CXCL13: variants seen among roughly 807,000 people sequenced by gnomAD.
The protein encoded by CXCL13 is C-X-C motif chemokine ligand 13, also known as C-X-C motif chemokine 13.
CXCL13 carries 7 observed loss-of-function variants against 12.2 expected under a neutral mutation model. The ratio of observed to expected loss-of-function variants is 0.57; its 90% CI spans 0.33 to 1.07. CXCL13 has a LOEUF of 1.07. CXCL13 is among the 50% of genes least tolerant of loss of function. CXCL13 has a pLI of 0.04. For missense variants in CXCL13, 113 were observed against 127.4 expected, an observed-to-expected ratio of 0.89 and a Z score of 0.55; for synonymous variants, 47 against 42.4, an observed-to-expected ratio of 1.11 and a Z score of -0.42.
At chr4:77,602,454 C>A (rs1726900784), upstream of CXCL13, among the ~76,000 whole-genome samples, 1 of 152,286 alleles carries the variant, frequency 6.6e-6, no homozygotes, top group East Asian at 1.9e-4. Context: ...TTATGTTAGA[C>A]CAGGCCCATG....
intron 1 of CXCL13, among the ~76,000 whole-genome samples, chr4:77,533,195 A>T (rs1417913411): frequency 6.6e-6 from 1 of 152,098 alleles, no homozygotes; most frequent in Non-Finnish European, 1.5e-5. Context: ...ATGATGGTGA[A>T]GTACAGATGG....
intron 1 of CXCL13, among the ~76,000 whole-genome samples, chr4:77,591,015 G>A (rs1244891140): frequency 1.3e-5 from 2 of 152,124 alleles, no homozygotes; most frequent in Non-Finnish European, 2.9e-5. Flanking sequence ...AAGTAGCTGG[G>A]ATTACAGGCA....
At chr4:77,520,390 T>A (rs1410478219) in intron 1 of CXCL13, among the ~76,000 whole-genome samples, 1 of 152,186 alleles carries the variant, frequency 6.6e-6, no homozygotes, top group East Asian at 1.9e-4. Flanking sequence ...TTTTATTTCC[T>A]TGAGCAGTGG....
chr4:77,529,558 C>G (rs184388919), intron 1 of CXCL13, among the ~76,000 whole-genome samples: 3 of 152,038 alleles, frequency 2.0e-5, no homozygotes, highest in Admixed American at 6.6e-5. Context: ...ATGGGAGTTC[C>G]CTCATGATTT....
At chr4:77,570,927 G>T (rs28825139) in intron 1 of CXCL13, among the ~76,000 whole-genome samples, 3 of 152,120 alleles carry the variant, frequency 2.0e-5, no homozygotes, top group Admixed American at 2.0e-4. Flanking sequence ...ACTGCAGCCC[G>T]CCATGCCTGG....
chr4:77,517,255 G>T (rs1055972381), intron 1 of CXCL13, among the ~76,000 whole-genome samples: 1 of 152,126 alleles, frequency 6.6e-6, no homozygotes, highest in Non-Finnish European at 1.5e-5. Flanking sequence ...AATAGGTGTG[G>T]TGTGGTGCTG....
chr4:77,518,434 A>C (rs1428044366), intron 1 of CXCL13, among the ~76,000 whole-genome samples: 2 of 152,198 alleles, frequency 1.3e-5, no homozygotes, highest in Non-Finnish European at 2.9e-5. Flanking sequence ...AGGTACACCA[A>C]TGAGATGTAG....
intron 1 of CXCL13, among the ~76,000 whole-genome samples, chr4:77,521,552 C>A (rs991256083): frequency 6.6e-6 from 1 of 151,982 alleles, no homozygotes; most frequent in East Asian, 1.9e-4. Flanking sequence ...TCTGTGGGAT[C>A]GGTGGTGATA....
intron 1 of CXCL13, among the ~76,000 whole-genome samples, chr4:77,525,366 AT>A (rs895259419): frequency 1.3e-5 from 2 of 152,056 alleles, no homozygotes; most frequent in African/African-American, 2.4e-5. Context: ...GATTTTTCTC[AT>A]TTGGGGGGTT....
intron 1 of CXCL13, among the ~76,000 whole-genome samples, chr4:77,537,028 T>C (rs1725074558): frequency 6.6e-6 from 1 of 152,190 alleles, no homozygotes; most frequent in African/African-American, 2.4e-5. Flanking sequence ...AGACAATGGT[T>C]CTATAAACAA....
chr4:77,538,331 GT>G (rs1725112232), intron 1 of CXCL13, among the ~76,000 whole-genome samples: 1 of 150,210 alleles, frequency 6.7e-6, no homozygotes. Flanking sequence ...GTTTGTTTTG[GT>G]TTGGTTTTTT....
chr4:77,522,917 C>A (rs1213493718), intron 1 of CXCL13, among the ~76,000 whole-genome samples: 1 of 152,068 alleles, frequency 6.6e-6, no homozygotes, highest in Non-Finnish European at 1.5e-5. Flanking sequence ...GTGACAAAAT[C>A]TCTCAGCATT....
chr4:77,525,212 C>T (rs1398832416), intron 1 of CXCL13, among the ~76,000 whole-genome samples: 1 of 152,192 alleles, frequency 6.6e-6, no homozygotes, highest in Admixed American at 6.5e-5. Flanking sequence ...AATTTCCGTT[C>T]ATTAAAAATT....
At chr4:77,610,484 C>T in intron 2 of CXCL13, 130 bp from the exon 3 acceptor site, 1 of 696,390 alleles carries the variant, frequency 1.4e-6, no homozygotes, top group Non-Finnish European at 2.4e-6. Flanking sequence ...TATTCCAGAT[C>T]CCAAACTGCC....
intron 1 of CXCL13, among the ~76,000 whole-genome samples, chr4:77,531,990 C>T (rs936574500): frequency 1.3e-5 from 2 of 152,126 alleles, no homozygotes; most frequent in Admixed American, 6.5e-5. Flanking sequence ...CGCGTCTTGA[C>T]TCTTTATCCA....
rs189698074 is a variant in CXCL13 at position 77,513,965 on chromosome 4, C to A, written c.-43+2177C>A. Reference sequence around the variant, plus strand: ...TGCTATCGCTCCCCACTACCCCCACCCCACAACAGTCCCCAGAGTGTGATG... The same window carrying A: ...TGCTATCGCTCCCCACTACCCCCACACCACAACAGTCCCCAGAGTGTGATG... On this transcript the variant is annotated intron_variant, in intron 1 of 4. Coordinates refer to the CXCL13 transcript ENST00000286758. 5.1e-3 allele frequency among the ~76,000 whole-genome samples: 782 copies of A among 152,264 alleles called. 7 individuals are homozygous for A. Among genetic ancestry groups the A allele is most frequent in the African/African-American group, 0.017 (695 of 41,540 alleles).
intron 1 of CXCL13, among the ~76,000 whole-genome samples, chr4:77,534,794 C>G (rs192505601): frequency 1.9e-4 from 29 of 152,264 alleles, no homozygotes; most frequent in Admixed American, 1.6e-3. Flanking sequence ...GGGGTTGGAC[C>G]ATAAAGAAGC....
At chr4:77,599,303 A>G (rs1282529929) in intron 1 of CXCL13, among the ~76,000 whole-genome samples, 1 of 152,236 alleles carries the variant, frequency 6.6e-6, no homozygotes. Context: ...TAGTATTTGC[A>G]TATAACCTGT....
At chr4:77,600,094 A>G (rs113154626) in intron 1 of CXCL13, among the ~76,000 whole-genome samples, 8 of 152,090 alleles carry the variant, frequency 5.3e-5, no homozygotes, top group African/African-American at 1.4e-4. Flanking sequence ...GCAGGTTTTG[A>G]GGACACTAAG....
Sources: allele counts gnomAD v4.1 joint callset (sites outside exome capture counted in the v4.1 genomes callset), GRCh38; gene constraint gnomAD v4.1.1; transcripts MANE v1.5; gene names NCBI Gene and HGNC (gene_info 2026-07-23, HGNC 2026-07-21).